Variants in IL18BP observed in about 807,000 individuals in gnomAD.
IL18BP encodes the protein interleukin 18 binding protein.
IL18BP carries 23 observed loss-of-function variants against 19.9 expected under a neutral mutation model. The observed-to-expected ratio is 1.15, with a 90% CI of 0.83 to 1.64. The LOEUF (loss-of-function observed/expected upper bound fraction) is 1.64. Among genes scored for constraint, IL18BP ranks in the 40% most tolerant of loss-of-function variants. The pLI is 0.00. For synonymous variants in IL18BP, 107 were observed against 101.0 expected, an observed-to-expected ratio of 1.06 and a Z score of -0.35; for missense variants, 239 against 240.7, an observed-to-expected ratio of 0.99 and a Z score of 0.05.
rs1321655719 is a variant in IL18BP, at chr11:72,001,961, G to C, written c.*100G>C. The C allele has an allele frequency of 7.9e-6, 12 of 1,525,076 alleles. No homozygotes were observed. The highest frequency in any genetic ancestry group is 1.1e-5 in the Non-Finnish European group (12 of 1,121,582). 94.5% of individuals were successfully genotyped at this position (1,525,076 alleles called of 1,614,324 possible). A position where few individuals can be genotyped will look rare whatever the true frequency, so the allele number is the denominator to read the frequency against. ...TCCCTGACTGCCTGTAGGCTGCGTGGATGCGCAACACACCCCCTCCTTCTC... is the reference window on the plus strand; with the variant it reads ...TCCCTGACTGCCTGTAGGCTGCGTGCATGCGCAACACACCCCCTCCTTCTC... On this transcript the variant is annotated 3_prime_UTR_variant, in exon 6 of 6. Transcript: ENST00000393703.
At chr11:72,007,689 C>T, downstream of IL18BP, 2 of 539,666 alleles carry the variant, frequency 3.7e-6, no homozygotes, top group Middle Eastern at 4.9e-4. Context: ...ACCAGATGCC[C>T]ATGGCTGCTT....
At chr11:72,004,936 C>T (rs911926719), downstream of IL18BP, 67 of 1,054,468 alleles carry the variant, frequency 6.4e-5, 1 homozygote, top group Admixed American at 1.7e-3. Context: ...TCCTGCCTCA[C>T]GAGGTAGAAA....
At chr11:72,005,341 G>GC (rs1565186188), downstream of IL18BP, 1 of 1,608,342 alleles carries the variant, frequency 6.2e-7, no homozygotes, top group Non-Finnish European at 8.5e-7. Context: ...GCTCATCCTG[G>GC]CAAGTGCCCA....
downstream of IL18BP, chr11:72,003,947 G>A: frequency 2.5e-6 from 4 of 1,613,642 alleles, no homozygotes; most frequent in Non-Finnish European, 3.4e-6. Flanking sequence ...TGGCTGTGGT[G>A]GTGGCAATGC....
chr11:72,001,620 G>T, intron 5 of IL18BP, 68 bp downstream of exon 5: 1 of 1,589,230 alleles, frequency 6.3e-7, no homozygotes, highest in Non-Finnish European at 8.6e-7. Flanking sequence ...GGAGGAAAGG[G>T]TGGGCTCTGC....
At chr11:72,005,976 G>C, downstream of IL18BP, 1 of 1,367,512 alleles carries the variant, frequency 7.3e-7, no homozygotes, top group Non-Finnish European at 1.0e-6. Flanking sequence ...TTTTCCCTGT[G>C]CCACGATCCA....
chr11:72,003,452 G>C, downstream of IL18BP: 1 of 1,443,148 alleles, frequency 6.9e-7, no homozygotes, highest in Non-Finnish European at 9.8e-7. Context: ...AAGGCACTGA[G>C]AGGGACAGTA....
At chr11:72,007,440 G>A, downstream of IL18BP, 1 of 1,613,012 alleles carries the variant, frequency 6.2e-7, no homozygotes. Flanking sequence ...AGCTTGCTAT[G>A]GAAAGGAAAC....
Position 72,001,270 on chromosome 11 carries a change from G to A in IL18BP, c.305G>A (p.Gly102Asp). ...FPNFSILYWLGNGSFIEHLPG... is the reference protein window; with the variant it reads ...FPNFSILYWLDNGSFIEHLPG... The stretch of plus-strand genomic sequence containing the variant: ...AACTTCAGCATCCTCTACTGGCTGG[G>A]CAATGGTTCCTTCATTGAGCACCTC... The change falls in exon 4 of 6, where the codon GGC becomes GAC. Residue 102 changes from glycine to aspartate, a missense_variant. Gly to Asp is a moderately conservative substitution (Grantham distance 94). Transcript: ENST00000393703. 1 of 1,614,218 alleles carries A rather than the reference G, an allele frequency of 6.2e-7. No homozygotes were observed. The highest frequency in any genetic ancestry group is 8.5e-7 in the Non-Finnish European group (1 of 1,180,040).
chr11:72,001,832 A>T lies in IL18BP; in HGVS notation c.556A>T (p.Ser186Cys). ...LPPTQEALPSSHSSPQQQG is the reference protein window; with the variant it reads ...LPPTQEALPSCHSSPQQQG Reference sequence around the variant, plus strand: ...CCCCACCCAAGAAGCCCTGCCCTCCAGCCACAGCAGTCCACAGCAGCAGGG... The same window carrying T: ...CCCCACCCAAGAAGCCCTGCCCTCCTGCCACAGCAGTCCACAGCAGCAGGG... Residue 186 changes from serine to cysteine, a missense_variant, in exon 6 of 6, where the codon AGC (serine) becomes TGC (cysteine). Transcript: ENST00000393703. 6.2e-7 allele frequency: 1 copy of T among 1,614,092 alleles called. No individual in the cohort carries two copies. The highest frequency in any genetic ancestry group is 8.5e-7 in the Non-Finnish European group (1 of 1,180,004).
chr11:71,999,962 C>T lies in IL18BP; in HGVS notation c.-23C>T. The T allele has an allele frequency of 6.2e-7, 1 of 1,613,588 alleles. No homozygotes were observed. Among genetic ancestry groups the T allele is most frequent in the Non-Finnish European group, 8.5e-7 (1 of 1,179,634 alleles). On this transcript the variant is annotated 5_prime_UTR_variant, in exon 2 of 6. Coordinates refer to ENST00000393703, the MANE Select transcript of IL18BP (RefSeq NM_001039660.2). ...GTTGTCACAGATAAAGAGCCAGGCT[C>T]ACCAGCTCCTGACGCATGCATCATG...
At chr11:72,000,040 G>GC in intron 2 of IL18BP, 28 bp downstream of exon 2, 2 of 1,613,256 alleles carry the variant, frequency 1.2e-6, no homozygotes, top group Middle Eastern at 1.7e-4. Flanking sequence ...GCATGGGCAG[G>GC]CGGGGTAGGG....
At position 72,001,296 on chromosome 11, in the gene IL18BP, C is replaced by T. The variant is rs1232145388; in HGVS notation, c.331C>T (p.Pro111Ser). Reference protein sequence around the residue: ...LGNGSFIEHLPGRLWEGSTSR... With the variant: ...LGNGSFIEHLSGRLWEGSTSR... ...CAATGGTTCCTTCATTGAGCACCTC[C>T]CAGGCCGACTGTGGGAGGGGAGCAC... Residue 111 changes from proline to serine, a missense_variant, in exon 4 of 6, where the codon CCA (proline) becomes TCA (serine). Physicochemically the swap from Pro to Ser is moderately conservative, Grantham distance 74. Coordinates refer to ENST00000393703, the MANE Select transcript of IL18BP (RefSeq NM_001039660.2). 6.2e-7 allele frequency: 1 copy of T among 1,614,222 alleles called. No homozygotes were observed. The highest frequency in any genetic ancestry group is 1.7e-5 in the Admixed American group (1 of 60,022).
downstream of IL18BP, chr11:72,005,223 C>T (rs769366716): frequency 6.3e-6 from 10 of 1,588,952 alleles, no homozygotes; most frequent in Admixed American, 1.3e-4. Flanking sequence ...ACAGTGACCC[C>T]AGGCCTCACC....
At chr11:72,006,762 C>T (rs1437691160), downstream of IL18BP, among the ~76,000 whole-genome samples, 2 of 152,166 alleles carry the variant, frequency 1.3e-5, no homozygotes, top group African/African-American at 4.8e-5. Context: ...CCTGCTGTAC[C>T]AGGGGCCCCT....
At chr11:72,003,705 C>T (rs564399699), downstream of IL18BP, 2 of 1,016,926 alleles carry the variant, frequency 2.0e-6, no homozygotes, top group African/African-American at 1.6e-5. Flanking sequence ...GGGTGCTCTC[C>T]ATGAGAATGG....
At chr11:72,004,487 C>T, downstream of IL18BP, 2 of 1,198,138 alleles carry the variant, frequency 1.7e-6, no homozygotes, top group South Asian at 1.3e-5. Context: ...TCCTTCCCTT[C>T]CCAACAGTTC....
At position 71,999,001 on chromosome 11, in the gene IL18BP, A is replaced by C. The variant is rs1056789170; in HGVS notation, c.-77A>C. 3 of 341,586 alleles carry C rather than the reference A, an allele frequency of 8.8e-6. No homozygotes were observed. Among genetic ancestry groups the C allele is most frequent in the African/African-American group, 4.3e-5 (2 of 46,932 alleles). 21.2% of individuals were successfully genotyped at this position (341,586 alleles called of 1,614,324 possible). A position where few individuals can be genotyped will look rare whatever the true frequency, so the allele number is the denominator to read the frequency against. ...AAGCTTCTGGAAAGGAAGGCTCTTC[A>C]GGACCTCTTAGGAGCCAGGTAGGAG... On this transcript the variant is annotated 5_prime_UTR_variant, in exon 1 of 6. Coordinates refer to ENST00000393703, the MANE Select transcript of IL18BP (RefSeq NM_001039660.2).
At chr11:72,003,969 C>T (rs773127163), downstream of IL18BP, 9 of 1,613,240 alleles carry the variant, frequency 5.6e-6, no homozygotes, top group Non-Finnish European at 6.8e-6. Flanking sequence ...CGGAGAACGG[C>T]GGGTTCCACT....
Sources: allele counts gnomAD v4.1 joint callset (sites outside exome capture counted in the v4.1 genomes callset), GRCh38; gene constraint gnomAD v4.1.1; transcripts MANE v1.5; gene names NCBI Gene and HGNC (gene_info 2026-07-23, HGNC 2026-07-21).